The following ZNF431 variants were observed in gnomAD, a reference collection of about 807,000 sequenced individuals.
ZNF431 encodes zinc finger protein 431.
In ZNF431, 34 loss-of-function variants were observed where a neutral mutation model predicts 57.0. The ratio of observed to expected loss-of-function variants is 0.60; its 90% CI spans 0.45 to 0.79. ZNF431 has a LOEUF of 0.79. Ranked by LOEUF, ZNF431 falls within the 30% of genes least tolerant of loss-of-function variation. The pLI is 0.00. For synonymous variants in ZNF431, 207 were observed against 220.3 expected (o/e 0.94, Z 0.54); for missense variants, 607 against 667.1 (o/e 0.91, Z 0.99).
intron 2 of ZNF431, among the ~76,000 whole-genome samples, chr19:21,151,918 G>A (rs780949077): frequency 8.9e-4 from 136 of 152,348 alleles, no homozygotes; most frequent in Non-Finnish European, 1.3e-3. Flanking sequence ...TAGAAGTCTC[G>A]TCAGAAATTT....
chr19:21,193,954 T>G lies in ZNF431; in HGVS notation c.*9920T>G, dbSNP rs910971925. ...AGACAAAAGGGGCATGCATTTCTCATTAGAAAAAAAATAAGACTATCTAAA... is the reference window on the plus strand; with the variant it reads ...AGACAAAAGGGGCATGCATTTCTCAGTAGAAAAAAAATAAGACTATCTAAA... On this transcript the variant is annotated 3_prime_UTR_variant, in exon 5 of 5. Coordinates refer to ENST00000311048, the MANE Select transcript of ZNF431 (RefSeq NM_133473.4). The G allele has an allele frequency of 2.6e-5, 4 of 152,014 alleles. No individual in the cohort carries two copies. Among genetic ancestry groups the G allele is most frequent in the African/African-American group, 9.7e-5 (4 of 41,382 alleles). The allele number at this position is 152,014 out of a possible 1,614,324, so 9.4% of individuals were successfully genotyped here.
Position 21,193,796 on chromosome 19 carries a change from AAC to A in ZNF431, c.*9766_*9767del, listed in dbSNP as rs1416602235. The A allele has an allele frequency of 6.6e-6, 1 of 152,220 alleles. No homozygotes were observed. The highest frequency in any genetic ancestry group is 1.5e-5 in the Non-Finnish European group (1 of 68,046). The allele number at this position is 152,220 out of a possible 1,614,324, so 9.4% of individuals were successfully genotyped here. A position where few individuals can be genotyped will look rare whatever the true frequency, so the allele number is the denominator to read the frequency against. On this transcript the variant is annotated 3_prime_UTR_variant, in exon 5 of 5. Coordinates refer to ENST00000311048, the MANE Select transcript of ZNF431 (RefSeq NM_133473.4). ...ATTAAAAGCAAAAATTTATATGATT[AAC>A]ACAATAGATGCAGAAAAAGCATTCA...
At chr19:21,143,703 A>G (rs1599569593) in intron 2 of ZNF431, 60 bp downstream of exon 2, 4 of 1,290,686 alleles carry the variant, frequency 3.1e-6, no homozygotes, top group Non-Finnish European at 4.5e-6. Flanking sequence ...TCTTGGGGAC[A>G]CATTGCTGGT....
In ZNF431 at chr19:21,192,282, C is replaced by T. The variant is rs2145081905; in HGVS notation, c.*8248C>T. ...CTCCCTGGCTGAAGCGGTTCTCCTG[C>T]CTCAGCTTCCTAAGTAGCTGAAACT... is the stretch of plus-strand genomic sequence containing the variant. On this transcript the variant is annotated 3_prime_UTR_variant, in exon 5 of 5. Transcript: ENST00000311048. 1 of 152,304 alleles carries T rather than the reference C, an allele frequency of 6.6e-6. No homozygotes were observed. The highest frequency in any genetic ancestry group is 2.1e-4 in the South Asian group (1 of 4,824). 9.4% of individuals were successfully genotyped at this position (152,304 alleles called of 1,614,324 possible).
In ZNF431 at chr19:21,190,018, C is replaced by T; in HGVS notation, c.*5984C>T. 6 of 387,350 alleles carry T rather than the reference C, an allele frequency of 1.5e-5. No homozygotes were observed. The highest frequency in any genetic ancestry group is 1.0e-4 in the African/African-American group (5 of 48,402). The allele number at this position is 387,350 out of a possible 1,614,324, so 24.0% of individuals were successfully genotyped here. A position where few individuals can be genotyped will look rare whatever the true frequency, so the allele number is the denominator to read the frequency against. The stretch of plus-strand genomic sequence containing the variant: ...AACAACAAAACAAAAACAAAAAACA[C>T]CTCAGCTGGGTGTGGTGGTGCAGGC... On this transcript the variant is annotated 3_prime_UTR_variant, in exon 5 of 5. Transcript: ENST00000311048.
chr19:21,176,104 T>C (rs1358915860), intron 4 of ZNF431, among the ~76,000 whole-genome samples: 1 of 152,266 alleles, frequency 6.6e-6, no homozygotes, highest in Non-Finnish European at 1.5e-5. Context: ...CTTGATTTTT[T>C]AATAATCACC....
chr19:21,193,839 C>A lies in ZNF431; in HGVS notation c.*9805C>A, dbSNP rs958849838. 1 of 152,052 alleles carries A rather than the reference C, an allele frequency of 6.6e-6. No individual in the cohort carries two copies. Among genetic ancestry groups the A allele is most frequent in the Non-Finnish European group, 1.5e-5 (1 of 68,012 alleles). 9.4% of individuals were successfully genotyped at this position (152,052 alleles called of 1,614,324 possible). The stretch of plus-strand genomic sequence containing the variant: ...AAAGCATTCAAGAAAATCCAGTATT[C>A]ATTTATGAAAATATTCTCTAAGCAA... On this transcript the variant is annotated 3_prime_UTR_variant, in exon 5 of 5. Coordinates refer to ENST00000311048, the MANE Select transcript of ZNF431 (RefSeq NM_133473.4).
In ZNF431 at chr19:21,192,556, T is replaced by C. The variant is rs1971530452; in HGVS notation, c.*8522T>C. 1 of 151,204 alleles carries C rather than the reference T, an allele frequency of 6.6e-6. No homozygotes were observed. Among genetic ancestry groups the C allele is most frequent in the Non-Finnish European group, 1.5e-5 (1 of 67,968 alleles). The allele number at this position is 151,204 out of a possible 1,614,324, so 9.4% of individuals were successfully genotyped here. The stretch of plus-strand genomic sequence containing the variant: ...TAAAAGAAAATTATACAGGAATAAT[T>C]CCTTTTCCTCAATTTGGATGCCTTT... On this transcript the variant is annotated 3_prime_UTR_variant, in exon 5 of 5. Transcript: ENST00000311048.
At position 21,192,166 on chromosome 19, in the gene ZNF431, G is replaced by C; in HGVS notation, c.*8132G>C. The C allele has an allele frequency of 6.6e-6, 1 of 151,988 alleles. No homozygotes were observed. Among genetic ancestry groups the C allele is most frequent in the East Asian group, 1.9e-4 (1 of 5,174 alleles). 9.4% of individuals were successfully genotyped at this position (151,988 alleles called of 1,614,324 possible). A position where few individuals can be genotyped will look rare whatever the true frequency, so the allele number is the denominator to read the frequency against. ...GTATTTTGAAAGTTTAATAAATTTT[G>C]TTTATTTATTTATTTATTTTGAGAT... On this transcript the variant is annotated 3_prime_UTR_variant, in exon 5 of 5. Transcript: ENST00000311048.
intron 2 of ZNF431, among the ~76,000 whole-genome samples, chr19:21,163,831 T>G (rs1361384756): frequency 6.6e-6 from 1 of 152,142 alleles, no homozygotes; most frequent in Non-Finnish European, 1.5e-5. Context: ...TATTACCAAG[T>G]AATTTTTAAG....
chr19:21,177,346 A>G (rs547393881), intron 4 of ZNF431, among the ~76,000 whole-genome samples: 3 of 152,248 alleles, frequency 2.0e-5, no homozygotes, highest in South Asian at 2.1e-4. Flanking sequence ...TAGATATGCA[A>G]TCTTATTTCT....
chr19:21,157,824 G>A (rs1201518979), intron 2 of ZNF431, among the ~76,000 whole-genome samples: 1 of 151,724 alleles, frequency 6.6e-6, no homozygotes, highest in Admixed American at 6.6e-5. Flanking sequence ...CACCGCACCC[G>A]GCCATTTGTC....
In ZNF431 at chr19:21,187,452, A is replaced by AAAAG. The variant is rs748236325; in HGVS notation, c.*3420_*3423dup. 5.2e-5 allele frequency: 7 copies of AAAAG among 135,560 alleles called. No individual in the cohort carries two copies. In the Admixed American group the frequency reaches 5.4e-4, roughly 11 times the overall value. The allele number at this position is 135,560 out of a possible 1,614,324, so 8.4% of individuals were successfully genotyped here. ...TCCATATAAAAAAAAAAAAAAAAAA[A>AAAAG]AAAGAGCTGGGCGTGGTGGCTCACG... On this transcript the variant is annotated 3_prime_UTR_variant, in exon 5 of 5. Transcript: ENST00000311048.
intron 4 of ZNF431, among the ~76,000 whole-genome samples, chr19:21,177,847 A>T (rs1324293721): frequency 1.3e-5 from 2 of 151,962 alleles, no homozygotes; most frequent in Non-Finnish European, 1.5e-5. Flanking sequence ...TATGAGTTTT[A>T]AATTTTTTTT....
chr19:21,181,518 T>C (rs1971209849), intron 4 of ZNF431, among the ~76,000 whole-genome samples: 5 of 152,156 alleles, frequency 3.3e-5, no homozygotes, highest in Admixed American at 3.3e-4. Context: ...ATTCTCTTCT[T>C]GTCTGTGACT....
rs907027164 is a variant in ZNF431, at chr19:21,188,817, A to G, written c.*4783A>G. On this transcript the variant is annotated 3_prime_UTR_variant, in exon 5 of 5. Transcript: ENST00000311048. ...GTGGCCAGTCATGGGACCATAAGCAACACCTGCTCTTTGAGTGTCTTTCAT... is the reference window on the plus strand; with the variant it reads ...GTGGCCAGTCATGGGACCATAAGCAGCACCTGCTCTTTGAGTGTCTTTCAT... 4 of 152,150 alleles carry G rather than the reference A, an allele frequency of 2.6e-5. No homozygotes were observed. In the South Asian group the frequency reaches 8.3e-4, roughly 32 times the overall value. The allele number at this position is 152,150 out of a possible 1,614,324, so 9.4% of individuals were successfully genotyped here.
rs1205420753 is a variant in ZNF431 at position 21,179,821 on chromosome 19, A to C, written c.320-2802A>C. Among the ~76,000 whole-genome samples, 4 of 151,716 alleles carry C rather than the reference A, an allele frequency of 2.6e-5. No individual in the cohort carries two copies. In the East Asian group the frequency reaches 7.8e-4, roughly 30 times the overall value. ...GTGATCTGTCCGCCTCAGCCTCCCA[A>C]AGTGCTGGGATTACATGTGTGAGCC... On this transcript the variant is annotated intron_variant, in intron 4 of 4. Coordinates refer to ENST00000311048, the MANE Select transcript of ZNF431 (RefSeq NM_133473.4).
At chr19:21,150,160 C>T (rs540463643) in intron 2 of ZNF431, 2 of 601,388 alleles carry the variant, frequency 3.3e-6, no homozygotes, top group South Asian at 1.6e-5. Flanking sequence ...CTAGCTTAAG[C>T]AGCTGAGTAG....
intron 4 of ZNF431, among the ~76,000 whole-genome samples, chr19:21,176,240 T>G (rs912838138): frequency 1.0e-5 from 1 of 97,636 alleles, no homozygotes; most frequent in Non-Finnish European, 2.0e-5. Context: ...TTTGCTCACT[T>G]TTTTTTTTTT....
Sources: gnomAD v4.1 joint callset for allele counts (sites outside exome capture counted in the v4.1 genomes callset) on GRCh38, gnomAD v4.1.1 for gene constraint, MANE v1.5 for transcripts, NCBI Gene and HGNC (gene_info 2026-07-23, HGNC 2026-07-21) for gene names.